ARK2C: variants seen among roughly 807,000 people sequenced by gnomAD.
The protein encoded by ARK2C is E3 ubiquitin-protein ligase ARK2C.
chr18:46,439,504 A>G, the ARK2C span, among the ~76,000 whole-genome samples: 1 of 152,136 alleles, frequency 6.6e-6, no homozygotes, highest in Non-Finnish European at 1.5e-5. Context: ...CACTTTCCCA[A>G]AGGGAAGCTG....
chr18:46,434,693 G>T, the ARK2C span, among the ~76,000 whole-genome samples: 2 of 152,204 alleles, frequency 1.3e-5, no homozygotes, highest in Non-Finnish European at 2.9e-5. Flanking sequence ...TGCTGGACTA[G>T]ATCATCTCTA....
the ARK2C span, among the ~76,000 whole-genome samples, chr18:46,433,707 T>C: frequency 1.3e-5 from 2 of 152,238 alleles, no homozygotes; most frequent in African/African-American, 2.4e-5. Flanking sequence ...GTAGCTATTG[T>C]TTCAGAGGCA....
the ARK2C span, among the ~76,000 whole-genome samples, chr18:46,372,183 T>C: frequency 6.6e-6 from 1 of 152,168 alleles, no homozygotes; most frequent in African/African-American, 2.4e-5. Flanking sequence ...ACTGCCAAGT[T>C]CAGAGGCACT....
At chr18:46,340,081 C>CAA in the ARK2C span, among the ~76,000 whole-genome samples, 3 of 152,362 alleles carry the variant, frequency 2.0e-5, no homozygotes, top group East Asian at 5.8e-4. Context: ...TCCTACTCCA[C>CAA]AACTGTCACA....
At chr18:46,369,890 A>G in the ARK2C span, among the ~76,000 whole-genome samples, 2 of 152,188 alleles carry the variant, frequency 1.3e-5, no homozygotes, top group Admixed American at 6.5e-5. Context: ...CCCATCTGCT[A>G]TAAATTAACA....
the ARK2C span, among the ~76,000 whole-genome samples, chr18:46,374,035 C>A: frequency 6.6e-6 from 1 of 151,996 alleles, no homozygotes; most frequent in African/African-American, 2.4e-5. Flanking sequence ...TCTTTTCTTC[C>A]TGCAGCATGA....
chr18:46,355,298 G>C, the ARK2C span, among the ~76,000 whole-genome samples: 3 of 152,150 alleles, frequency 2.0e-5, no homozygotes, highest in African/African-American at 7.2e-5. Flanking sequence ...CCCAAGAACT[G>C]AGGATGAACA....
At chr18:46,391,952 A>G in the ARK2C span, among the ~76,000 whole-genome samples, 1 of 151,498 alleles carries the variant, frequency 6.6e-6, no homozygotes, top group Admixed American at 6.6e-5. Flanking sequence ...ACACACGCAC[A>G]TGACACAATA....
At chr18:46,365,315 C>T in the ARK2C span, among the ~76,000 whole-genome samples, 2 of 152,282 alleles carry the variant, frequency 1.3e-5, no homozygotes, top group South Asian at 2.1e-4. Context: ...CTCAGGGTTA[C>T]GCAGGGTCGA....
the ARK2C span, among the ~76,000 whole-genome samples, chr18:46,438,023 TG>T: frequency 6.6e-6 from 1 of 152,226 alleles, no homozygotes; most frequent in South Asian, 2.1e-4. Flanking sequence ...GGCCAGATTC[TG>T]GGAAGAACTT....
the ARK2C span, chr18:46,456,378 G>A: frequency 2.9e-6 from 2 of 695,252 alleles, no homozygotes; most frequent in South Asian, 3.5e-5. Context: ...GCTTCCTGGC[G>A]GAGGCTTCAT....
the ARK2C span, among the ~76,000 whole-genome samples, chr18:46,414,757 T>C: frequency 6.6e-6 from 1 of 152,132 alleles, no homozygotes; most frequent in African/African-American, 2.4e-5. Flanking sequence ...GGTCCTCAGG[T>C]CCTCCTTTGC....
the ARK2C span, among the ~76,000 whole-genome samples, chr18:46,351,126 C>T: frequency 6.6e-6 from 1 of 152,200 alleles, no homozygotes; most frequent in African/African-American, 2.4e-5. Flanking sequence ...GGCAGGGATG[C>T]ACAATCTTCT....
the ARK2C span, chr18:46,455,948 A>C: frequency 6.7e-7 from 1 of 1,482,902 alleles, no homozygotes; most frequent in Non-Finnish European, 9.4e-7. Flanking sequence ...CCAGGTAATG[A>C]ATACTACTCT....
the ARK2C span, among the ~76,000 whole-genome samples, chr18:46,439,321 G>A: frequency 6.6e-6 from 1 of 152,190 alleles, no homozygotes; most frequent in Non-Finnish European, 1.5e-5. Context: ...AGGCTCAGTA[G>A]CAGCAGGCAC....
the ARK2C span, among the ~76,000 whole-genome samples, chr18:46,359,855 G>A: frequency 6.6e-6 from 1 of 152,172 alleles, no homozygotes; most frequent in Non-Finnish European, 1.5e-5. Context: ...AGTGCCTTAT[G>A]AAACTAAGGC....
chr18:46,369,729 G>A, the ARK2C span, among the ~76,000 whole-genome samples: 1 of 152,086 alleles, frequency 6.6e-6, no homozygotes, highest in South Asian at 2.1e-4. Context: ...ATAAACCGGG[G>A]GGTCCTTATT....
chr18:46,342,787 T>C, the ARK2C span, among the ~76,000 whole-genome samples: 3 of 152,242 alleles, frequency 2.0e-5, no homozygotes, highest in African/African-American at 7.2e-5. Flanking sequence ...AATCACATTC[T>C]GGAAAGTTTA....
the ARK2C span, among the ~76,000 whole-genome samples, chr18:46,362,599 T>C: frequency 3.9e-5 from 6 of 152,248 alleles, no homozygotes; most frequent in Non-Finnish European, 5.9e-5. Context: ...TCACTCGTTT[T>C]GACTAATGAG....
Sources: gnomAD v4.1 joint callset for allele counts (sites outside exome capture counted in the v4.1 genomes callset) on GRCh38, gnomAD v4.1.1 for gene constraint, MANE v1.5 for transcripts, NCBI Gene and HGNC (gene_info 2026-07-23, HGNC 2026-07-21) for gene names.